GNG7: variants seen among roughly 807,000 people sequenced by gnomAD.
The protein encoded by GNG7 is guanine nucleotide-binding protein G(I)/G(S)/G(O) subunit gamma-7.
A neutral mutation model predicts 4.0 loss-of-function variants in GNG7; 1 was observed. That is an observed-to-expected ratio of 0.25 (90% confidence interval 0.09 to 1.18). The LOEUF (loss-of-function observed/expected upper bound fraction) is 1.18. Ranked by LOEUF, GNG7 falls within the 50% of genes most tolerant of loss-of-function variation. The pLI, the probability that GNG7 is intolerant of heterozygous loss-of-function variation, is 0.50. For missense variants in GNG7, 86 were observed against 91.9 expected, an observed-to-expected ratio of 0.94 and a Z score of 0.26; for synonymous variants, 34 against 36.9, an observed-to-expected ratio of 0.92 and a Z score of 0.29.
In GNG7 at chr19:2,604,543, G is replaced by GGGAA. The variant is rs1056184520; in HGVS notation, c.-78+41677_-78+41680dup. On this transcript the variant is annotated intron_variant, in intron 2 of 4. Coordinates refer to ENST00000382159, the MANE Select transcript of GNG7 (RefSeq NM_052847.3). ...AGGGAGGGAGGGAGGGAGCGAGGGA[G>GGGAA]GGAAGGAAGGAAGGAAGCGAGGGAC... 3.6e-5 allele frequency among the ~76,000 whole-genome samples: 5 copies of GGGAA among 138,542 alleles called. No individual in the cohort carries two copies. In the South Asian group the frequency reaches 9.3e-4, roughly 26 times the overall value. The allele number at this position is 138,542 out of a possible 152,430, so 90.9% of individuals were successfully genotyped here.
chr19:2,594,614 C>T (rs144164503), intron 2 of GNG7, among the ~76,000 whole-genome samples: 20 of 152,182 alleles, frequency 1.3e-4, no homozygotes, highest in African/African-American at 4.1e-4. Flanking sequence ...CAGCTTTGCA[C>T]GGGTATTTCA....
intron 2 of GNG7, among the ~76,000 whole-genome samples, chr19:2,603,012 C>T (rs572372284): frequency 6.8e-6 from 1 of 146,206 alleles, no homozygotes; most frequent in Admixed American, 7.2e-5. Context: ...TTCTTTCTCC[C>T]TTTCCTTTCC....
At chr19:2,538,656 C>G (rs188552673) in intron 3 of GNG7, 9 of 450,518 alleles carry the variant, frequency 2.0e-5, no homozygotes, top group African/African-American at 1.6e-4. Context: ...GAAAGGCATG[C>G]ATATATTTTA....
At chr19:2,687,655 G>A (rs997900726) in intron 1 of GNG7, among the ~76,000 whole-genome samples, 1 of 151,946 alleles carries the variant, frequency 6.6e-6, no homozygotes, top group Non-Finnish European at 1.5e-5. Flanking sequence ...GGCATGACAG[G>A]AGTAAGCCAC....
At chr19:2,684,581 G>A (rs745308415) in intron 1 of GNG7, among the ~76,000 whole-genome samples, 6 of 152,210 alleles carry the variant, frequency 3.9e-5, no homozygotes, top group Non-Finnish European at 7.3e-5. Context: ...AGGCCACGAT[G>A]AGGATGCACT....
intron 2 of GNG7, among the ~76,000 whole-genome samples, chr19:2,589,371 C>CTTTTTTTTTTTTTT (rs33940288): frequency 4.0e-5 from 4 of 100,576 alleles, no homozygotes; most frequent in African/African-American, 7.5e-5. Flanking sequence ...TACAGGTGCA[C>CTTTTTTTTTTTTTT]TTTTTTTTTT....
chr19:2,610,872 G>C (rs1240332354), intron 2 of GNG7: 1 of 150,230 alleles, frequency 6.7e-6, no homozygotes, highest in Non-Finnish European at 1.5e-5. Flanking sequence ...TCCCAGGCCA[G>C]GTTTGGTTTC....
chr19:2,522,338 C>T (rs35834058), intron 3 of GNG7, among the ~76,000 whole-genome samples: 48,678 of 151,778 alleles, frequency 0.32, 7,791 homozygotes, highest in South Asian at 0.39. Context: ...CAGTCCCAGC[C>T]GGGCGTCTGT....
intron 2 of GNG7, among the ~76,000 whole-genome samples, chr19:2,615,277 C>G (rs1981688949): frequency 6.6e-6 from 1 of 151,644 alleles, no homozygotes; most frequent in Non-Finnish European, 1.5e-5. Flanking sequence ...TTCAGGCTCC[C>G]CCAGACCTCC....
In GNG7 at chr19:2,514,847, G is replaced by A; in HGVS notation, c.*175C>T. On this transcript the variant is annotated 3_prime_UTR_variant, in exon 5 of 5. Transcript: ENST00000382159. ...GTCCATTCTACCCCATCCGGGCGGTGGGAACGCCTTTTTTGGCGGGGAGAG... is the reference window on the plus strand; with the variant it reads ...GTCCATTCTACCCCATCCGGGCGGTAGGAACGCCTTTTTTGGCGGGGAGAG... 1 of 582,468 alleles carries A rather than the reference G, an allele frequency of 1.7e-6. No individual in the cohort carries two copies. Among genetic ancestry groups the A allele is most frequent in the Non-Finnish European group, 3.0e-6 (1 of 330,610 alleles). 36.1% of individuals were successfully genotyped at this position (582,468 alleles called of 1,614,324 possible).
chr19:2,579,592 C>T (rs1368549835), intron 2 of GNG7, among the ~76,000 whole-genome samples: 1 of 152,216 alleles, frequency 6.6e-6, no homozygotes, highest in Admixed American at 6.5e-5. Context: ...GGCGAGGGGA[C>T]GGCCGCCGCT....
At chr19:2,667,872 A>C (rs1242314866) in intron 1 of GNG7, among the ~76,000 whole-genome samples, 3 of 152,114 alleles carry the variant, frequency 2.0e-5, no homozygotes, top group Non-Finnish European at 4.4e-5. Context: ...CCGAGATTGC[A>C]CCACTGTACT....
intron 2 of GNG7, among the ~76,000 whole-genome samples, chr19:2,635,350 C>A (rs1335568727): frequency 6.6e-6 from 1 of 152,148 alleles, no homozygotes; most frequent in Non-Finnish European, 1.5e-5. Context: ...AGAGACCCTG[C>A]CTTAATTTGA....
At chr19:2,568,215 A>G (rs1011311262) in intron 2 of GNG7, among the ~76,000 whole-genome samples, 4 of 151,388 alleles carry the variant, frequency 2.6e-5, no homozygotes, top group Admixed American at 1.3e-4. Context: ...ACATACACAT[A>G]CAGACATGCA....
chr19:2,679,484 G>A (rs572455511), intron 1 of GNG7, among the ~76,000 whole-genome samples: 69 of 152,106 alleles, frequency 4.5e-4, no homozygotes, highest in Non-Finnish European at 7.9e-4. Context: ...ACCCTAGGGA[G>A]TGATTCCTAT....
chr19:2,601,863 C>T (rs987355487), intron 2 of GNG7, among the ~76,000 whole-genome samples: 3 of 151,960 alleles, frequency 2.0e-5, no homozygotes, highest in Non-Finnish European at 2.9e-5. Flanking sequence ...GATTTCATCA[C>T]TGCACTTCAG....
chr19:2,694,671 G>T (rs1242759949), intron 1 of GNG7, among the ~76,000 whole-genome samples: 1 of 152,160 alleles, frequency 6.6e-6, no homozygotes, highest in African/African-American at 2.4e-5. Flanking sequence ...CACTCAGGGT[G>T]TGGATTTCAA....
Position 2,633,495 on chromosome 19 carries a change from A to ACG in GNG7, c.-78+12728_-78+12729insCG, listed in dbSNP as rs1373633322. Among the ~76,000 whole-genome samples, 23 of 114,502 alleles carry ACG rather than the reference A, an allele frequency of 2.0e-4. No individual in the cohort carries two copies. The highest frequency in any genetic ancestry group is 8.0e-4 in the African/African-American group (22 of 27,528). The allele number at this position is 114,502 out of a possible 152,430, so 75.1% of individuals were successfully genotyped here. ...GGCGCGCGCGCGCGCGCGCACACAC[A>ACG]CACACACACACACACACACACACAC... On this transcript the variant is annotated intron_variant, in intron 2 of 4. Transcript: ENST00000382159. The surrounding 1 kb of genome is among the most constrained non-coding windows in gnomAD (Gnocchi z 5.9).
At chr19:2,620,685 C>T (rs1004397272) in intron 2 of GNG7, among the ~76,000 whole-genome samples, 2 of 152,066 alleles carry the variant, frequency 1.3e-5, no homozygotes, top group Non-Finnish European at 2.9e-5. Context: ...CAACGTGGGT[C>T]GGCCAGTTAG....
Sources: gnomAD v4.1 joint callset for allele counts (sites outside exome capture counted in the v4.1 genomes callset) on GRCh38, gnomAD v4.1.1 for gene constraint, Gnocchi (gnomAD v3.1) non-coding constraint, MANE v1.5 for transcripts, NCBI Gene and HGNC (gene_info 2026-07-23, HGNC 2026-07-21) for gene names.